Variants in TMEM181 observed in about 807,000 individuals in gnomAD.
TMEM181 encodes G protein-coupled receptor 178.
A neutral mutation model predicts 71.9 loss-of-function variants in TMEM181; 39 were observed. The observed-to-expected ratio is 0.54, with a 90% CI of 0.42 to 0.71. TMEM181 has a LOEUF of 0.71. Among genes scored for constraint, TMEM181 ranks in the 30% least tolerant of loss-of-function variants. The pLI, the probability that TMEM181 is intolerant of heterozygous loss-of-function variation, is 0.00. For missense variants in TMEM181, 595 were observed against 583.0 expected, an observed-to-expected ratio of 1.02 and a Z score of -0.21; for synonymous variants, 245 against 228.8, an observed-to-expected ratio of 1.07 and a Z score of -0.64.
intron 13 of TMEM181, among the ~76,000 whole-genome samples, chr6:158,626,925 CA>C (rs1786323211): frequency 2.2e-5 from 2 of 91,230 alleles, no homozygotes. Flanking sequence ...CCCTCATTCT[CA>C]CCCTCATTCT....
At chr6:158,564,116 C>CTATA (rs1782346787) in intron 1 of TMEM181, among the ~76,000 whole-genome samples, 1 of 152,208 alleles carries the variant, frequency 6.6e-6, no homozygotes, top group African/African-American at 2.4e-5. Flanking sequence ...ATGACTTATA[C>CTATA]CCAAGTTGGC....
intron 1 of TMEM181, among the ~76,000 whole-genome samples, chr6:158,548,339 G>C (rs1781604939): frequency 1.3e-5 from 2 of 152,146 alleles, no homozygotes; most frequent in African/African-American, 4.8e-5. Context: ...TCTAGGTTCT[G>C]TGTTTGAGGG....
Position 158,631,802 on chromosome 6 carries a change from G to A in TMEM181, c.1350-8G>A. 2 of 1,592,484 alleles carry A rather than the reference G, an allele frequency of 1.3e-6. No homozygotes were observed. The highest frequency in any genetic ancestry group is 2.3e-5 in the East Asian group (1 of 43,970). Reference sequence around the variant, plus strand: ...GTTAGACGGTCTCAAAGGTCTCTTTGCTCACAGGAGTGACTATGAGGAAAT... The same window carrying A: ...GTTAGACGGTCTCAAAGGTCTCTTTACTCACAGGAGTGACTATGAGGAAAT... On this transcript the variant is annotated splice_region_variant and splice_polypyrimidine_tract_variant and intron_variant, in intron 16 of 16. Coordinates refer to ENST00000684151, the MANE Select transcript of TMEM181 (RefSeq NM_001376852.1).
chr6:158,579,224 A>G (rs1345073581), intron 2 of TMEM181, among the ~76,000 whole-genome samples: 1 of 150,518 alleles, frequency 6.6e-6, no homozygotes, highest in Admixed American at 6.7e-5. Flanking sequence ...ACGCTATTGT[A>G]CTCCAGCCTG....
intron 1 of TMEM181, among the ~76,000 whole-genome samples, chr6:158,542,475 A>G (rs1361912216): frequency 2.0e-5 from 3 of 152,238 alleles, no homozygotes; most frequent in Non-Finnish European, 4.4e-5. Context: ...CTTTAGAACC[A>G]GAATTCAAAC....
intron 1 of TMEM181, among the ~76,000 whole-genome samples, chr6:158,570,828 T>G (rs1054862489): frequency 6.6e-6 from 1 of 152,112 alleles, no homozygotes; most frequent in South Asian, 2.1e-4. Context: ...TCTAGTCCAT[T>G]TAGCTTTGTG....
chr6:158,630,231 T>C (rs1445384045), intron 15 of TMEM181, among the ~76,000 whole-genome samples: 1 of 152,148 alleles, frequency 6.6e-6, no homozygotes, highest in East Asian at 1.9e-4. Context: ...AAACAGGCTT[T>C]GATCCTTTGA....
At chr6:158,595,029 C>A (rs575249703) in intron 6 of TMEM181, among the ~76,000 whole-genome samples, 12 of 152,152 alleles carry the variant, frequency 7.9e-5, no homozygotes, top group African/African-American at 1.2e-4. Context: ...AACAGAATTT[C>A]TTTGGCTATT....
intron 1 of TMEM181, among the ~76,000 whole-genome samples, chr6:158,562,345 C>T (rs1011618960): frequency 6.6e-6 from 1 of 152,052 alleles, no homozygotes; most frequent in African/African-American, 2.4e-5. Context: ...GCTAACCTGA[C>T]TTGTTTGAGC....
At chr6:158,536,950 G>A in intron 1 of TMEM181, 4 of 1,071,010 alleles carry the variant, frequency 3.7e-6, no homozygotes, top group Non-Finnish European at 4.6e-6. Flanking sequence ...CCCGGCCTTG[G>A]CCTGGTCCCG....
chr6:158,608,208 G>T, intron 8 of TMEM181, 125 bp from the exon 9 acceptor site: 2 of 683,336 alleles, frequency 2.9e-6, no homozygotes, highest in South Asian at 2.4e-5. Context: ...TGTCTGCCAG[G>T]TGCTGACCCC....
rs141490208 is a variant in TMEM181 at position 158,587,524 on chromosome 6, C to T, written c.381+2099C>T. 1.6e-4 allele frequency among the ~76,000 whole-genome samples: 24 copies of T among 151,676 alleles called. No individual in the cohort carries two copies. The East Asian group carries it at 4.7e-3, about 29-fold the overall frequency. On this transcript the variant is annotated intron_variant, in intron 5 of 16. Transcript: ENST00000684151. Reference sequence around the variant, plus strand: ...CTTTTTTTTTTTTTAAACACACAGTCTTGCTATGTTGCCCAGGCTGGCTTT... The same window carrying T: ...CTTTTTTTTTTTTTAAACACACAGTTTTGCTATGTTGCCCAGGCTGGCTTT...
chr6:158,551,062 T>C (rs4709211), intron 1 of TMEM181, among the ~76,000 whole-genome samples: 92,324 of 150,928 alleles, frequency 0.61, 28,600 homozygotes, highest in East Asian at 0.73. Context: ...CTGGTTCAAG[T>C]GATTCTCCTG....
intron 5 of TMEM181, among the ~76,000 whole-genome samples, chr6:158,587,124 G>A (rs897173416): frequency 2.6e-5 from 4 of 152,230 alleles, no homozygotes; most frequent in Non-Finnish European, 5.9e-5. Flanking sequence ...GAGACCCATC[G>A]TCCTGGTTTG....
Position 158,635,146 on chromosome 6 carries a change from T to C in TMEM181, c.*3258T>C, listed in dbSNP as rs1280982071. On this transcript the variant is annotated 3_prime_UTR_variant, in exon 17 of 17. Transcript: ENST00000684151. The stretch of plus-strand genomic sequence containing the variant: ...ATTGGAGATACGCTAGTAACTGTGA[T>C]ACCATACTATAAAACAGAAGAATTT... 1 of 152,234 alleles carries C rather than the reference T, an allele frequency of 6.6e-6. No homozygotes were observed. Among genetic ancestry groups the C allele is most frequent in the East Asian group, 1.9e-4 (1 of 5,204 alleles). The allele number at this position is 152,234 out of a possible 1,614,324, so 9.4% of individuals were successfully genotyped here. A position where few individuals can be genotyped will look rare whatever the true frequency, so the allele number is the denominator to read the frequency against.
chr6:158,621,154 G>A (rs1240166662), intron 10 of TMEM181, among the ~76,000 whole-genome samples: 2 of 152,172 alleles, frequency 1.3e-5, no homozygotes, highest in Non-Finnish European at 2.9e-5. Flanking sequence ...GTGCTTATTA[G>A]GACCCACTGT....
intron 10 of TMEM181, chr6:158,610,454 G>C (rs923377081): frequency 3.4e-6 from 1 of 296,906 alleles, no homozygotes; most frequent in African/African-American, 2.2e-5. Flanking sequence ...CCCTTTGAAA[G>C]ACAACTTGGA....
chr6:158,587,312 G>T (rs757376922), intron 5 of TMEM181, among the ~76,000 whole-genome samples: 1 of 152,128 alleles, frequency 6.6e-6, no homozygotes, highest in South Asian at 2.1e-4. Flanking sequence ...GCCCTTCAGC[G>T]CATCTTCATG....
At chr6:158,544,861 C>T (rs1412693211) in intron 1 of TMEM181, among the ~76,000 whole-genome samples, 1 of 152,158 alleles carries the variant, frequency 6.6e-6, no homozygotes, top group East Asian at 1.9e-4. Context: ...TCCTTGAGAA[C>T]GTCATACATG....
Sources: gnomAD v4.1 joint callset for allele counts (sites outside exome capture counted in the v4.1 genomes callset) on GRCh38, gnomAD v4.1.1 for gene constraint, MANE v1.5 for transcripts, NCBI Gene and HGNC (gene_info 2026-07-23, HGNC 2026-07-21) for gene names.